The following PCDH11X variants were observed in gnomAD, a reference collection of about 807,000 sequenced individuals.
PCDH11X encodes protocadherin-11 X-linked.
A neutral mutation model predicts 53.3 loss-of-function variants in PCDH11X; 18 were observed. The ratio of observed to expected loss-of-function variants is 0.34; its 90% CI spans 0.23 to 0.50. The LOEUF (loss-of-function observed/expected upper bound fraction) is 0.50. Ranked by LOEUF, PCDH11X falls within the 20% of genes least tolerant of loss-of-function variation. PCDH11X has a pLI of 0.98. For synonymous variants in PCDH11X, 279 were observed against 393.3 expected (o/e 0.71, Z 3.44); for missense variants, 570 against 1,032.4 (o/e 0.55, Z 6.14).
chrX:92,122,027 G>A (rs1480266130), intron 6 of PCDH11X, among the ~76,000 whole-genome samples: 5 of 91,368 alleles, frequency 5.5e-5, no homozygotes, highest in African/African-American at 1.7e-4. Flanking sequence ...TCTTGTTGCC[G>A]AGGCTGGAGA....
chrX:91,968,984 T>C lies in PCDH11X; in HGVS notation c.3033+89711T>C, dbSNP rs1269588262. 2.7e-5 allele frequency among the ~76,000 whole-genome samples: 3 copies of C among 111,492 alleles called. No homozygotes were observed. In the South Asian group the frequency reaches 1.1e-3, roughly 42 times the overall value. On this transcript the variant is annotated intron_variant, in intron 6 of 10. Coordinates refer to ENST00000682573, the MANE Select transcript of PCDH11X (RefSeq NM_032968.5). ...AAATCTTACTTTTAGCAATGAAGTT[T>C]CACATCCTAATTGAAATATAAACAG...
intron 6 of PCDH11X, among the ~76,000 whole-genome samples, chrX:92,036,629 T>C: frequency 9.2e-6 from 1 of 108,376 alleles, no homozygotes; most frequent in Non-Finnish European, 1.9e-5. Context: ...CTTGGGTATG[T>C]CTTTATCATA....
At chrX:92,296,098 C>T (rs1178474491) in intron 8 of PCDH11X, among the ~76,000 whole-genome samples, 1 of 105,787 alleles carries the variant, frequency 9.5e-6, no homozygotes, top group East Asian at 3.3e-4. Flanking sequence ...AAAAAAAAAT[C>T]ATGTGCATTT....
At chrX:92,351,316 A>G (rs1209363688) in intron 8 of PCDH11X, among the ~76,000 whole-genome samples, 1 of 111,840 alleles carries the variant, frequency 8.9e-6, no homozygotes, top group Non-Finnish European at 1.9e-5. Flanking sequence ...AAGTCATCCA[A>G]GAATGACTCA....
At chrX:92,273,593 G>T (rs1425578451) in intron 8 of PCDH11X, among the ~76,000 whole-genome samples, 2 of 110,302 alleles carry the variant, frequency 1.8e-5, no homozygotes, top group African/African-American at 6.6e-5. Flanking sequence ...GTGGTATGGA[G>T]AGAGAGTGGA....
rs759756266 is a variant in PCDH11X at position 92,085,860 on chromosome X, G to T, written c.3034-115515G>T. ...CCTATGCTGTCTAGTACAGTAACTA[G>T]TAGCTATGTGTGACTTTAAAGCACC... On this transcript the variant is annotated intron_variant, in intron 6 of 10. Coordinates refer to ENST00000682573, the MANE Select transcript of PCDH11X (RefSeq NM_032968.5). 5.4e-5 allele frequency among the ~76,000 whole-genome samples: 6 copies of T among 111,309 alleles called. No individual in the cohort carries two copies. The Admixed American group carries it at 5.8e-4, about 11-fold the overall frequency.
intron 4 of PCDH11X, 105 bp from the exon 5 acceptor site, chrX:91,835,356 A>G: frequency 1.7e-6 from 2 of 1,190,797 alleles, no homozygotes; most frequent in Non-Finnish European, 2.3e-6. Flanking sequence ...CTAACATCTC[A>G]TTTACTGATT....
At chrX:91,975,630 A>C (rs1186243610) in intron 6 of PCDH11X, among the ~76,000 whole-genome samples, 1 of 110,802 alleles carries the variant, frequency 9.0e-6, no homozygotes, top group Non-Finnish European at 1.9e-5. Flanking sequence ...AAACTAGTCA[A>C]GGGGACTCAG....
intron 8 of PCDH11X, among the ~76,000 whole-genome samples, chrX:92,273,144 T>C (rs1423877801): frequency 8.9e-6 from 1 of 111,933 alleles, no homozygotes; most frequent in East Asian, 2.8e-4. Flanking sequence ...CATGGCTGTT[T>C]ATTTCACCTG....
chrX:91,845,839 G>A (rs2147644917), intron 5 of PCDH11X, among the ~76,000 whole-genome samples: 1 of 109,960 alleles, frequency 9.1e-6, no homozygotes, highest in Non-Finnish European at 1.9e-5. Flanking sequence ...TTACGTGTAA[G>A]GTAACCAGTT....
At chrX:92,053,557 C>T (rs955840881) in intron 6 of PCDH11X, among the ~76,000 whole-genome samples, 1 of 100,828 alleles carries the variant, frequency 9.9e-6, no homozygotes, top group African/African-American at 3.7e-5. Context: ...AGCGGAAGAA[C>T]CGACATTGAA....
At chrX:91,906,840 T>G (rs1238031756) in intron 6 of PCDH11X, among the ~76,000 whole-genome samples, 1 of 111,135 alleles carries the variant, frequency 9.0e-6, no homozygotes, top group African/African-American at 3.3e-5. Flanking sequence ...ATCATGGCAT[T>G]TGTTAGATTC....
At chrX:92,299,061 T>C (rs1295071267) in intron 8 of PCDH11X, among the ~76,000 whole-genome samples, 1 of 111,564 alleles carries the variant, frequency 9.0e-6, no homozygotes, top group African/African-American at 3.3e-5. Context: ...TCTCGTCTCC[T>C]GCTAAATCAT....
chrX:92,552,050 A>G (rs1294865030), intron 10 of PCDH11X, among the ~76,000 whole-genome samples: 1 of 97,016 alleles, frequency 1.0e-5, no homozygotes, highest in Non-Finnish European at 2.1e-5. Context: ...GTGATTCCAT[A>G]TAAGATTCAG....
At chrX:91,937,713 T>C (rs1208839083) in intron 6 of PCDH11X, among the ~76,000 whole-genome samples, 3 of 111,294 alleles carry the variant, frequency 2.7e-5, no homozygotes, top group Non-Finnish European at 5.7e-5. Flanking sequence ...CTCTCTGTCT[T>C]TAGCGACTGT....
rs756190295 is a variant in PCDH11X at position 92,255,998 on chromosome X, G to C, written c.3115-7116G>C. 5.3e-3 allele frequency among the ~76,000 whole-genome samples: 598 copies of C among 112,222 alleles called. 7 individuals carry two copies. Among genetic ancestry groups the C allele is most frequent in the African/African-American group, 0.019 (570 of 30,779 alleles). ...TTCCCAGCTGCTTTGTTTACCTAAG[G>C]AAGCCTGGGCAATGGCGGGCGCCCC... On this transcript the variant is annotated intron_variant, in intron 7 of 10. Transcript: ENST00000682573.
chrX:92,419,828 C>T (rs372597362), intron 9 of PCDH11X, among the ~76,000 whole-genome samples: 4 of 107,147 alleles, frequency 3.7e-5, no homozygotes, highest in East Asian at 3.0e-4. Context: ...TACAGGCGCG[C>T]GCCACCATAC....
At chrX:91,962,233 A>C (rs908291193) in intron 6 of PCDH11X, among the ~76,000 whole-genome samples, 1 of 110,549 alleles carries the variant, frequency 9.0e-6, no homozygotes, top group African/African-American at 3.3e-5. Context: ...CCTTCTGCCT[A>C]TGAGCCTGTA....
chrX:91,907,669 A>G (rs963895985), intron 6 of PCDH11X, among the ~76,000 whole-genome samples: 8 of 106,274 alleles, frequency 7.5e-5, no homozygotes, highest in African/African-American at 2.4e-4. Flanking sequence ...TACAAGTTCA[A>G]GTTTGTTAGA....
Sources: gnomAD v4.1 joint callset for allele counts (sites outside exome capture counted in the v4.1 genomes callset) on GRCh38, gnomAD v4.1.1 for gene constraint, MANE v1.5 for transcripts, NCBI Gene and HGNC (gene_info 2026-07-23, HGNC 2026-07-21) for gene names.